The following STARD10 variants were observed in gnomAD, a reference collection of about 807,000 sequenced individuals.
The protein encoded by STARD10 is START domain-containing protein 10.
STARD10 carries 24 observed loss-of-function variants against 36.0 expected under a neutral mutation model. The ratio of observed to expected loss-of-function variants is 0.67; its 90% confidence interval spans 0.48 to 0.94. The LOEUF (loss-of-function observed/expected upper bound fraction) is 0.94, where lower values mean the gene tolerates loss of function less well. STARD10 is among the 40% of genes least tolerant of loss of function. STARD10 has a pLI of 0.00. For missense variants in STARD10, 335 were observed against 396.6 expected (o/e 0.84, Z 1.32); for synonymous variants, 156 against 161.9 (o/e 0.96, Z 0.28).
chr11:72,781,056 G>GC lies in STARD10; in HGVS notation c.125dup (p.Trp43LeufsTer6). On this transcript the variant is annotated frameshift_variant, in exon 2 of 7. Transcript: ENST00000334805. LOFTEE classifies it high-confidence loss of function. This position sits in a 1 kb window ranked among gnomAD's most constrained non-coding sequence, Gnocchi z 4.7. ...CAGCCCTGCTATAGGTCAGGTTCCA[G>GC]CCCACCTCAGCCTCACACTCTGACC... is the stretch of plus-strand genomic sequence containing the variant. 6.2e-7 allele frequency: 1 copy of GC among 1,614,140 alleles called. No homozygotes were observed. Among genetic ancestry groups the GC allele is most frequent in the Non-Finnish European group, 8.5e-7 (1 of 1,180,034 alleles).
At chr11:72,759,414 T>A in intron 2 of STARD10, 33 bp from the exon 3 acceptor site, 1 of 1,612,890 alleles carries the variant, frequency 6.2e-7, no homozygotes, top group Non-Finnish European at 8.5e-7. Context: ...GTCAGGATCA[T>A]ATGGGGCTCA....
In STARD10 at chr11:72,759,133, G is replaced by A. The variant is rs1003926483; in HGVS notation, c.355+101C>T. The stretch of plus-strand genomic sequence containing the variant: ...AGCACTCAAGTCTCCGAGCAGCTTG[G>A]TCATGTGAGTAACCACAGGAGGGAG... On this transcript the variant is annotated intron_variant, in intron 3 of 6. Transcript: ENST00000334805. 1.3e-5 allele frequency: 19 copies of A among 1,432,246 alleles called. No individual in the cohort carries two copies. The African/African-American group carries it at 2.2e-4, about 17-fold the overall frequency. 88.7% of individuals were successfully genotyped at this position (1,432,246 alleles called of 1,614,324 possible).
intron 5 of STARD10, among the ~76,000 whole-genome samples, chr11:72,756,451 G>A (rs1858645413): frequency 6.6e-6 from 1 of 152,156 alleles, no homozygotes. Flanking sequence ...TGGGGACCCA[G>A]AGAGGAACTC....
At chr11:72,764,808 T>C (rs561509914) in intron 2 of STARD10, among the ~76,000 whole-genome samples, 31 of 152,326 alleles carry the variant, frequency 2.0e-4, no homozygotes, top group East Asian at 1.5e-3. Context: ...ACACCAGATG[T>C]TGCCGTCAGG....
intron 2 of STARD10, among the ~76,000 whole-genome samples, chr11:72,764,268 G>A (rs1480748869): frequency 6.6e-6 from 1 of 152,200 alleles, no homozygotes; most frequent in Non-Finnish European, 1.5e-5. Flanking sequence ...CCTCCTTCCA[G>A]AGGCTCCCAG....
intron 1 of STARD10, among the ~76,000 whole-genome samples, chr11:72,785,042 G>A (rs7121919): frequency 0.33 from 50,328 of 151,982 alleles, 8,611 homozygotes; most frequent in Middle Eastern, 0.4. Flanking sequence ...GGGGAAGGGA[G>A]CACTTGGAAA....
At chr11:72,779,661 C>T (rs1858967566) in intron 2 of STARD10, among the ~76,000 whole-genome samples, 1 of 152,150 alleles carries the variant, frequency 6.6e-6, no homozygotes, top group African/African-American at 2.4e-5. Context: ...CAGCTGCCTT[C>T]CCCATCCCTG....
At chr11:72,775,188 CAA>C (rs777015328) in intron 2 of STARD10, among the ~76,000 whole-genome samples, 70 of 152,242 alleles carry the variant, frequency 4.6e-4, no homozygotes, top group Non-Finnish European at 8.8e-4. Context: ...GCGCACATCG[CAA>C]AGAGTTATGC....
chr11:72,772,012 C>T (rs747804527), intron 2 of STARD10, among the ~76,000 whole-genome samples: 3 of 152,178 alleles, frequency 2.0e-5, no homozygotes, highest in Non-Finnish European at 2.9e-5. Context: ...CCCCAGAGCT[C>T]TCCAGTAAAG....
intron 2 of STARD10, among the ~76,000 whole-genome samples, chr11:72,775,562 T>C (rs1413241976): frequency 6.6e-6 from 1 of 152,128 alleles, no homozygotes; most frequent in Non-Finnish European, 1.5e-5. Context: ...GTAATCTTCA[T>C]TCCCCACCCA....
intron 4 of STARD10, 77 bp from the exon 5 acceptor site, chr11:72,757,961 G>A (rs542893675): frequency 4.3e-5 from 51 of 1,191,660 alleles, no homozygotes; most frequent in Non-Finnish European, 5.6e-5. Flanking sequence ...ACACAAACGC[G>A]CACGCGCACA....
chr11:72,780,033 G>T, intron 2 of STARD10: 1 of 308,266 alleles, frequency 3.2e-6, no homozygotes, highest in Non-Finnish European at 6.8e-6. Flanking sequence ...AGAAGGCAAG[G>T]AAGAGGAAGG....
intron 6 of STARD10, 164 bp from the exon 7 acceptor site, chr11:72,755,306 C>CTTTTTTT (rs542293512): frequency 1.1e-4 from 40 of 356,794 alleles, no homozygotes; most frequent in South Asian, 3.2e-4. Context: ...ATTCTCCATT[C>CTTTTTTT]TTTTTTTTTT....
At chr11:72,786,958 G>A (rs1859080700) in intron 1 of STARD10, among the ~76,000 whole-genome samples, 1 of 151,854 alleles carries the variant, frequency 6.6e-6, no homozygotes, top group Non-Finnish European at 1.5e-5. Context: ...GCACATGCTG[G>A]TAGTCCCAGC....
chr11:72,763,164 C>T (rs2135612945), intron 2 of STARD10, among the ~76,000 whole-genome samples: 1 of 152,302 alleles, frequency 6.6e-6, no homozygotes, highest in South Asian at 2.1e-4. Flanking sequence ...GACAGTTGAT[C>T]ACTCTACCAT....
In STARD10 at chr11:72,781,369, G is replaced by C; in HGVS notation, c.-113-75C>G. On this transcript the variant is annotated intron_variant, in intron 1 of 6. Coordinates refer to ENST00000334805, the MANE Select transcript of STARD10 (RefSeq NM_006645.3). This position sits in a 1 kb window ranked among gnomAD's most constrained non-coding sequence, Gnocchi z 4.7. ...GGGCTGTTCGGGGTCCTGGCGGGTGGGGAGCTGGAGAGAGGTAGGGGCTGG... is the reference window on the plus strand; with the variant it reads ...GGGCTGTTCGGGGTCCTGGCGGGTGCGGAGCTGGAGAGAGGTAGGGGCTGG... The C allele has an allele frequency of 1.7e-6, 1 of 600,734 alleles. No individual in the cohort carries two copies. 37.2% of individuals were successfully genotyped at this position (600,734 alleles called of 1,614,324 possible).
In STARD10 at chr11:72,757,833, A is replaced by T; in HGVS notation, c.511T>A (p.Tyr171Asn). Residue 171 changes from tyrosine (Y) to asparagine (N), a missense_variant, in exon 5 of 7, where the codon TAC (tyrosine) becomes AAC (asparagine). By Grantham distance (143) the Tyr-to-Asn change is moderately radical. Coordinates refer to ENST00000334805, the MANE Select transcript of STARD10 (RefSeq NM_006645.3). ...LVRAVSIQTGYLIQSTGPKSC... is the reference protein window; with the variant it reads ...LVRAVSIQTGNLIQSTGPKSC... ...TTGGGCCCTGTGCTCTGGATGAGGT[A>T]GCCCGTCTGGATGGACACAGCTCGG... 6.2e-7 allele frequency: 1 copy of T among 1,614,230 alleles called. No homozygotes were observed. The highest frequency in any genetic ancestry group is 8.5e-7 in the Non-Finnish European group (1 of 1,180,030).
chr11:72,790,482 G>C (rs1859127958), intron 1 of STARD10: 2 of 152,296 alleles, frequency 1.3e-5, no homozygotes, highest in South Asian at 4.1e-4. Flanking sequence ...CTACTAACAA[G>C]GTGGGCCGGG....
intron 2 of STARD10, among the ~76,000 whole-genome samples, chr11:72,777,264 C>A (rs1858939567): frequency 6.6e-6 from 1 of 152,280 alleles, no homozygotes; most frequent in South Asian, 2.1e-4. Flanking sequence ...GCCTCACAGG[C>A]CACGTCCTCT....
Sources: gnomAD v4.1 joint callset for allele counts (sites outside exome capture counted in the v4.1 genomes callset) on GRCh38, gnomAD v4.1.1 for gene constraint, Gnocchi (gnomAD v3.1) non-coding constraint, MANE v1.5 for transcripts, NCBI Gene and HGNC (gene_info 2026-07-23, HGNC 2026-07-21) for gene names.